Variants in STRIP2 observed in about 807,000 individuals in gnomAD.
STRIP2 encodes striatin-interacting protein 2.
In STRIP2, 84 loss-of-function variants were observed where a neutral mutation model predicts 107.1. That is an observed-to-expected ratio of 0.78 (90% CI 0.66 to 0.94). The LOEUF is 0.94. STRIP2 is among the 40% of genes least tolerant of loss of function. The pLI is 0.00. For synonymous variants in STRIP2, 394 were observed against 400.4 expected, an observed-to-expected ratio of 0.98 and a Z score of 0.19; for missense variants, 888 against 1,034.2, an observed-to-expected ratio of 0.86 and a Z score of 1.94.
chr7:129,445,459 C>T (rs909296847), intron 3 of STRIP2, among the ~76,000 whole-genome samples: 9 of 151,946 alleles, frequency 5.9e-5, no homozygotes, highest in African/African-American at 1.7e-4. Flanking sequence ...CGTAATGTCA[C>T]GGGAACAGGA....
At chr7:129,462,630 C>T (rs1026787231) in intron 13 of STRIP2, among the ~76,000 whole-genome samples, 1 of 152,218 alleles carries the variant, frequency 6.6e-6, no homozygotes, top group African/African-American at 2.4e-5. Flanking sequence ...CACTATTGAG[C>T]CACCTACCTC....
At chr7:129,448,647 C>A (rs1473420820) in intron 3 of STRIP2, among the ~76,000 whole-genome samples, 1 of 152,186 alleles carries the variant, frequency 6.6e-6, no homozygotes, top group African/African-American at 2.4e-5. Context: ...TTAGCCAATG[C>A]CACAGCTCTA....
chr7:129,464,478 TCC>T, intron 15 of STRIP2, 132 bp from the exon 16 acceptor site: 1 of 934,522 alleles, frequency 1.1e-6, no homozygotes, highest in Non-Finnish European at 1.6e-6. Flanking sequence ...TCTGGAGGTT[TCC>T]CTGGCACAGA....
Position 129,470,639 on chromosome 7 carries a change from C to A in STRIP2, c.1878-10C>A, listed in dbSNP as rs766716213. ...TACCTAAAGCCTGTCCTTATCTCTGCATCTTACAGCATCTCAGTCCTGGAT... is the reference window on the plus strand; with the variant it reads ...TACCTAAAGCCTGTCCTTATCTCTGAATCTTACAGCATCTCAGTCCTGGAT... On this transcript the variant is annotated splice_polypyrimidine_tract_variant and intron_variant, in intron 17 of 20. Coordinates refer to ENST00000249344, the MANE Select transcript of STRIP2 (RefSeq NM_020704.3). 30 of 1,612,414 alleles carry A rather than the reference C, an allele frequency of 1.9e-5. No homozygotes were observed. The highest frequency in any genetic ancestry group is 2.5e-5 in the Non-Finnish European group (29 of 1,178,434).
At position 129,464,971 on chromosome 7, in the gene STRIP2, G is replaced by A. The variant is rs1798636294; in HGVS notation, c.1776+233G>A. ...CCCTTGTAAGTTATCCCAGAGTTGT[G>A]GGTAGGAATCTCTAGCTTCTCAGGA... On this transcript the variant is annotated intron_variant, in intron 16 of 20. Transcript: ENST00000249344. Among the ~76,000 whole-genome samples, 3 of 152,004 alleles carry A rather than the reference G, an allele frequency of 2.0e-5. No homozygotes were observed. In the South Asian group the frequency reaches 6.3e-4, roughly 32 times the overall value.
At chr7:129,465,307 A>G (rs550950963) in intron 16 of STRIP2, among the ~76,000 whole-genome samples, 44 of 152,334 alleles carry the variant, frequency 2.9e-4, no homozygotes, top group African/African-American at 9.4e-4. Context: ...GTCCTAAAAA[A>G]ACAGATGTTA....
chr7:129,439,296 G>A (rs920356780), intron 1 of STRIP2, among the ~76,000 whole-genome samples: 6 of 152,126 alleles, frequency 3.9e-5, no homozygotes, highest in African/African-American at 1.4e-4. Flanking sequence ...TTTATGTCAC[G>A]CTGAGGCACA....
rs1799236882 is a variant in STRIP2, at chr7:129,485,954, A to G, written c.*125A>G. The stretch of plus-strand genomic sequence containing the variant: ...CTTCTGGGGGCTCTTGGGCCTAAAG[A>G]TGGTGCAAGGGTGGGATCCTGAATC... On this transcript the variant is annotated 3_prime_UTR_variant, in exon 21 of 21. Coordinates refer to ENST00000249344, the MANE Select transcript of STRIP2 (RefSeq NM_020704.3). 2 of 1,104,600 alleles carry G rather than the reference A, an allele frequency of 1.8e-6. No homozygotes were observed. The highest frequency in any genetic ancestry group is 2.2e-5 in the Admixed American group (1 of 46,432). The allele number at this position is 1,104,600 out of a possible 1,614,324, so 68.4% of individuals were successfully genotyped here. A position where few individuals can be genotyped will look rare whatever the true frequency, so the allele number is the denominator to read the frequency against.
chr7:129,449,468 G>T (rs1389800261), intron 3 of STRIP2, among the ~76,000 whole-genome samples: 1 of 152,148 alleles, frequency 6.6e-6, no homozygotes, highest in East Asian at 1.9e-4. Context: ...CATCACTGTT[G>T]CTTCAGGCAG....
intron 2 of STRIP2, among the ~76,000 whole-genome samples, chr7:129,441,098 G>A (rs942517871): frequency 6.6e-6 from 1 of 151,948 alleles, no homozygotes; most frequent in Non-Finnish European, 1.5e-5. Flanking sequence ...ATTTATAGAA[G>A]AAAAAGCCAA....
At chr7:129,476,045 G>C (rs1584967067) in intron 18 of STRIP2, among the ~76,000 whole-genome samples, 1 of 152,058 alleles carries the variant, frequency 6.6e-6, no homozygotes, top group Admixed American at 6.6e-5. Context: ...AACCGCCATC[G>C]TCGTCATGGC....
intron 2 of STRIP2, among the ~76,000 whole-genome samples, chr7:129,441,699 T>C (rs1054449238): frequency 1.3e-5 from 2 of 152,226 alleles, no homozygotes; most frequent in African/African-American, 4.8e-5. Flanking sequence ...TAGCTATGCC[T>C]ATGGTCATAG....
intron 13 of STRIP2, among the ~76,000 whole-genome samples, chr7:129,462,673 TC>T (rs1798572308): frequency 6.6e-6 from 1 of 151,304 alleles, no homozygotes; most frequent in Non-Finnish European, 1.5e-5. Flanking sequence ...TCTAGAGTTT[TC>T]AGCCTCAGAT....
intron 16 of STRIP2, among the ~76,000 whole-genome samples, chr7:129,465,738 T>C (rs1351113177): frequency 6.6e-6 from 1 of 152,212 alleles, no homozygotes; most frequent in Non-Finnish European, 1.5e-5. Flanking sequence ...CTTGGTTTCA[T>C]GGGCATTGCC....
At chr7:129,442,955 CTG>C (rs1797939274) in intron 2 of STRIP2, among the ~76,000 whole-genome samples, 1 of 151,874 alleles carries the variant, frequency 6.6e-6, no homozygotes, top group Non-Finnish European at 1.5e-5. Flanking sequence ...TCTTCATCTT[CTG>C]TAAGATGAGG....
Position 129,483,167 on chromosome 7 carries a change from G to A in STRIP2, c.2254+121G>A. 1 of 1,468,560 alleles carries A rather than the reference G, an allele frequency of 6.8e-7. No homozygotes were observed. The highest frequency in any genetic ancestry group is 9.0e-7 in the Non-Finnish European group (1 of 1,109,742). 91.0% of individuals were successfully genotyped at this position (1,468,560 alleles called of 1,614,324 possible). On this transcript the variant is annotated intron_variant, in intron 20 of 20. Transcript: ENST00000249344. This position sits in a 1 kb window ranked among gnomAD's most constrained non-coding sequence, Gnocchi z 5.1. ...ACATATTTTAGATGAAAAAATATGT[G>A]ATTATAGGTCAGGCGCTGATACACC... is the stretch of plus-strand genomic sequence containing the variant.
chr7:129,435,164 C>G (rs1440077025), intron 1 of STRIP2, among the ~76,000 whole-genome samples: 1 of 152,166 alleles, frequency 6.6e-6, no homozygotes, highest in Admixed American at 6.5e-5. Flanking sequence ...GACATCAGGC[C>G]CCTGCCTGTG....
intron 1 of STRIP2, 38 bp downstream of exon 1, chr7:129,434,639 C>A (rs1007309779): frequency 1.4e-6 from 2 of 1,436,356 alleles, no homozygotes; most frequent in South Asian, 1.4e-5. Flanking sequence ...GGCCCGGAGA[C>A]GCCCGCCGGC....
chr7:129,436,697 A>G (rs1000683877), intron 1 of STRIP2, among the ~76,000 whole-genome samples: 8 of 152,182 alleles, frequency 5.3e-5, no homozygotes, highest in African/African-American at 1.9e-4. Context: ...TGTGGAAGGC[A>G]GTCCTTAGAG....
Sources: allele counts gnomAD v4.1 joint callset (sites outside exome capture counted in the v4.1 genomes callset), GRCh38; gene constraint gnomAD v4.1.1; non-coding constraint Gnocchi (gnomAD v3.1); transcripts MANE v1.5; gene names NCBI Gene and HGNC (gene_info 2026-07-23, HGNC 2026-07-21).